Variants in SLC26A5 observed in about 807,000 individuals in gnomAD.
The protein encoded by SLC26A5 is solute carrier family 26 member 5.
A neutral mutation model predicts 81.0 loss-of-function variants in SLC26A5; 51 were observed. The ratio of observed to expected loss-of-function variants is 0.63; its 90% CI spans 0.50 to 0.80. The LOEUF is 0.80. Ranked by LOEUF, SLC26A5 falls within the 30% of genes least tolerant of loss-of-function variation. The pLI is 0.00. For missense variants in SLC26A5, 771 were observed against 905.8 expected, an observed-to-expected ratio of 0.85 and a Z score of 1.91; for synonymous variants, 325 against 332.8, an observed-to-expected ratio of 0.98 and a Z score of 0.25.
At chr7:103,410,638 AC>A in intron 6 of SLC26A5, 89 bp from the exon 7 acceptor site, 1 of 1,290,600 alleles carries the variant, frequency 7.7e-7, no homozygotes, top group Non-Finnish European at 1.1e-6. Flanking sequence ...TTCTTTCTTG[AC>A]CATTTTCTTT....
At chr7:103,433,992 C>T (rs532588855) in intron 2 of SLC26A5, among the ~76,000 whole-genome samples, 10 of 152,258 alleles carry the variant, frequency 6.6e-5, no homozygotes, top group Admixed American at 3.9e-4. Context: ...TGAGCCACTG[C>T]GCCTGGCCTG....
At position 103,375,271 on chromosome 7, in the gene SLC26A5, C is replaced by T. The variant is rs191840351; in HGVS notation, c.2042-679G>A. On this transcript the variant is annotated intron_variant, in intron 19 of 19. Transcript: ENST00000306312. ...ATGTCCCTAGTTTATTTAACTAGTC[C>T]CTTTTGTTTGGTACTTGAGTTTTTT... Among the ~76,000 whole-genome samples the T allele has an allele frequency of 1.7e-3, 262 of 151,208 alleles. 1 individual carries two copies. The highest frequency in any genetic ancestry group is 6.2e-3 in the African/African-American group (254 of 41,256).
At chr7:103,375,075 TATATATATACACACAC>T (rs1403557847) in intron 19 of SLC26A5, among the ~76,000 whole-genome samples, 2 of 146,398 alleles carry the variant, frequency 1.4e-5, no homozygotes, top group Admixed American at 6.9e-5. Flanking sequence ...CATATATAAA[TATATATATACACACAC>T]ATATATATAC....
At position 103,354,846 on chromosome 7, in the gene SLC26A5, T is replaced by G. The variant is rs558595820; in HGVS notation, c.2042-1920A>C. 24 of 1,532,870 alleles carry G rather than the reference T, an allele frequency of 1.6e-5. No homozygotes were observed. In the South Asian group the frequency reaches 2.2e-4, roughly 14 times the overall value. 95.0% of individuals were successfully genotyped at this position (1,532,870 alleles called of 1,614,324 possible). A position where few individuals can be genotyped will look rare whatever the true frequency, so the allele number is the denominator to read the frequency against. ...ATGGTTGATATCCTGATATTCTAACTAAACTGACCTTCATCACCTAGGGTC... is the reference window on the plus strand; with the variant it reads ...ATGGTTGATATCCTGATATTCTAACGAAACTGACCTTCATCACCTAGGGTC... On this transcript the variant is annotated intron_variant, in intron 19 of 19. Transcript: ENST00000339444.
rs546215384 is a variant in SLC26A5, at chr7:103,364,695, A to C, written c.2042-11769T>G. Among the ~76,000 whole-genome samples the C allele has an allele frequency of 2.8e-3, 423 of 152,172 alleles. 1 individual carries two copies. The highest frequency in any genetic ancestry group is 3.5e-3 in the Non-Finnish European group (235 of 68,010). On this transcript the variant is annotated intron_variant, in intron 19 of 19. Coordinates refer to the SLC26A5 transcript ENST00000339444. ...AGTGCTGGTAGTATAGGCAAGAACCACCACGCCCGGCCTGAGACCTGAAAT... is the reference window on the plus strand; with the variant it reads ...AGTGCTGGTAGTATAGGCAAGAACCCCCACGCCCGGCCTGAGACCTGAAAT...
intron 10 of SLC26A5, 100 bp from the exon 11 acceptor site, chr7:103,391,835 T>C: frequency 2.3e-6 from 2 of 879,470 alleles, no homozygotes; most frequent in South Asian, 1.4e-5. Context: ...CTACAGCCTA[T>C]CTCTTCATTT....
At chr7:103,426,974 C>T (rs947839719) in intron 2 of SLC26A5, among the ~76,000 whole-genome samples, 2 of 152,134 alleles carry the variant, frequency 1.3e-5, no homozygotes, top group Admixed American at 6.5e-5. Flanking sequence ...ACACAAAATA[C>T]TAATGACAGC....
intron 15 of SLC26A5, 89 bp downstream of exon 15, chr7:103,380,391 A>G (rs1821677769): frequency 9.4e-7 from 1 of 1,061,860 alleles, no homozygotes. Context: ...CTCCCATCTT[A>G]CCCCTACTTT....
At chr7:103,376,918 T>C (rs1821397204) in intron 18 of SLC26A5, 56 bp from the exon 19 acceptor site, 1 of 1,217,878 alleles carries the variant, frequency 8.2e-7, no homozygotes, top group Non-Finnish European at 1.2e-6. Flanking sequence ...CAGATGAAAG[T>C]CTCTTTTTAC....
chr7:103,405,773 C>T (rs1366539656), intron 8 of SLC26A5, among the ~76,000 whole-genome samples: 1 of 152,214 alleles, frequency 6.6e-6, no homozygotes, highest in African/African-American at 2.4e-5. Flanking sequence ...TGAAGCTGCG[C>T]CCACAGCTGC....
chr7:103,358,372 ATCT>A (rs1288644569), intron 19 of SLC26A5, among the ~76,000 whole-genome samples: 3 of 152,042 alleles, frequency 2.0e-5, no homozygotes, highest in Non-Finnish European at 4.4e-5. Flanking sequence ...AGTAAGGCAA[ATCT>A]TCTTGAAACT....
chr7:103,402,188 C>T (rs1823648876), intron 8 of SLC26A5, among the ~76,000 whole-genome samples: 1 of 152,046 alleles, frequency 6.6e-6, no homozygotes, highest in African/African-American at 2.4e-5. Flanking sequence ...TCCATTTGGT[C>T]CTGGACTTTT....
downstream of SLC26A5, chr7:103,369,491 G>A (rs747396085): frequency 3.3e-5 from 5 of 152,152 alleles, no homozygotes; most frequent in Non-Finnish European, 7.3e-5. Flanking sequence ...CTGTTCTAAC[G>A]ATACAGAGTG....
intron 9 of SLC26A5, among the ~76,000 whole-genome samples, chr7:103,397,268 G>A (rs1823193537): frequency 6.6e-6 from 1 of 152,046 alleles, no homozygotes; most frequent in South Asian, 2.1e-4. Context: ...TTAGCCGGGT[G>A]TGGTGGCTCA....
In SLC26A5 at chr7:103,428,104, T is replaced by G. The variant is rs555982078; in HGVS notation, c.-53-6537A>C. Among the ~76,000 whole-genome samples, 5 of 152,176 alleles carry G rather than the reference T, an allele frequency of 3.3e-5. No homozygotes were observed. In the South Asian group the frequency reaches 1.0e-3, roughly 32 times the overall value. On this transcript the variant is annotated intron_variant, in intron 2 of 19. Transcript: ENST00000306312. ...TTGACCTCAGGTGATCTGCCCACCT[T>G]AGCCTCCCAAAGTGCTGGGATTACA...
intron 14 of SLC26A5, 37 bp downstream of exon 14, chr7:103,388,971 C>A (rs1448605702): frequency 1.4e-6 from 2 of 1,449,680 alleles, no homozygotes; most frequent in Admixed American, 3.4e-5. Flanking sequence ...GTCATCTCTG[C>A]CGGGACATTC....
chr7:103,375,944 A>G (rs1821325921), intron 19 of SLC26A5, among the ~76,000 whole-genome samples: 1 of 150,586 alleles, frequency 6.6e-6, no homozygotes, highest in South Asian at 2.1e-4. Context: ...TTTAGTAGAG[A>G]TGGGGTTTCA....
intron 10 of SLC26A5, among the ~76,000 whole-genome samples, chr7:103,392,259 C>T (rs974419263): frequency 6.6e-6 from 1 of 152,144 alleles, no homozygotes; most frequent in African/African-American, 2.4e-5. Flanking sequence ...TTGAAATAGA[C>T]ATTGTTATGT....
At chr7:103,414,722 C>T (rs1174900332) in intron 4 of SLC26A5, among the ~76,000 whole-genome samples, 1 of 152,178 alleles carries the variant, frequency 6.6e-6, no homozygotes, top group Non-Finnish European at 1.5e-5. Flanking sequence ...CTGCTATAAA[C>T]ATCCATGTGC....
Sources: allele counts gnomAD v4.1 joint callset (sites outside exome capture counted in the v4.1 genomes callset), GRCh38; gene constraint gnomAD v4.1.1; transcripts MANE v1.5; gene names NCBI Gene and HGNC (gene_info 2026-07-23, HGNC 2026-07-21).